FBXL17: variants seen among roughly 807,000 people sequenced by gnomAD.
The protein encoded by FBXL17 is F-box/LRR-repeat protein 17.
FBXL17 carries 22 observed loss-of-function variants against 66.2 expected under a neutral mutation model. The observed-to-expected ratio is 0.33, with a 90% CI of 0.24 to 0.47. The LOEUF (loss-of-function observed/expected upper bound fraction) is 0.47, where lower values mean the gene tolerates loss of function less well. Among genes scored for constraint, FBXL17 ranks in the 20% least tolerant of loss-of-function variants. The pLI is 1.00. For missense variants in FBXL17, 878 were observed against 948.2 expected (o/e 0.93, Z 0.97); for synonymous variants, 474 against 400.5 (o/e 1.18, Z -2.19).
At chr5:107,967,964 C>T (rs952807586) in intron 7 of FBXL17, among the ~76,000 whole-genome samples, 28 of 151,972 alleles carry the variant, frequency 1.8e-4, no homozygotes, top group African/African-American at 6.8e-4. Flanking sequence ...TTGAAAATAG[C>T]ACATTATTTT....
intron 6 of FBXL17, among the ~76,000 whole-genome samples, chr5:108,119,375 G>C (rs1750386402): frequency 6.6e-6 from 1 of 152,166 alleles, no homozygotes; most frequent in Non-Finnish European, 1.5e-5. Context: ...TTCTCCCCAG[G>C]AGGAACCAGG....
chr5:108,090,841 C>T (rs1356388498), intron 6 of FBXL17, among the ~76,000 whole-genome samples: 4 of 152,170 alleles, frequency 2.6e-5, no homozygotes, highest in Non-Finnish European at 5.9e-5. Flanking sequence ...GAGCACATAC[C>T]TTGGAAAGTT....
intron 5 of FBXL17, among the ~76,000 whole-genome samples, chr5:108,213,286 T>C (rs1280944406): frequency 1.3e-5 from 2 of 152,152 alleles, no homozygotes; most frequent in Non-Finnish European, 2.9e-5. Context: ...CAGCACCCCT[T>C]TCCAGGGGAG....
chr5:108,089,441 C>T (rs960422540), intron 6 of FBXL17, among the ~76,000 whole-genome samples: 7 of 152,166 alleles, frequency 4.6e-5, no homozygotes, highest in African/African-American at 1.7e-4. Context: ...TTCCTTCTAA[C>T]CCAAATGCTC....
chr5:108,062,856 G>C (rs1747977900), intron 6 of FBXL17, among the ~76,000 whole-genome samples: 1 of 152,116 alleles, frequency 6.6e-6, no homozygotes, highest in Non-Finnish European at 1.5e-5. Flanking sequence ...CCAAAGCAGA[G>C]AGCTTTCCTT....
At chr5:107,957,912 G>C (rs936447556) in intron 7 of FBXL17, among the ~76,000 whole-genome samples, 7 of 152,172 alleles carry the variant, frequency 4.6e-5, no homozygotes, top group Admixed American at 4.6e-4. Context: ...AATTCTGTGG[G>C]GAGCAGACAT....
intron 7 of FBXL17, among the ~76,000 whole-genome samples, chr5:107,919,988 A>C (rs1405051565): frequency 6.6e-6 from 1 of 152,242 alleles, no homozygotes; most frequent in East Asian, 1.9e-4. Context: ...TGATGACTAT[A>C]TAGTGCAACC....
At chr5:108,146,902 CA>C (rs1207557300) in intron 6 of FBXL17, among the ~76,000 whole-genome samples, 1 of 152,138 alleles carries the variant, frequency 6.6e-6, no homozygotes, top group Non-Finnish European at 1.5e-5. Flanking sequence ...CTGGGTAATT[CA>C]AAAGAAATAG....
chr5:108,025,262 C>T (rs1197330564), intron 6 of FBXL17, among the ~76,000 whole-genome samples: 1 of 152,146 alleles, frequency 6.6e-6, no homozygotes, highest in Non-Finnish European at 1.5e-5. Flanking sequence ...TCCATCACCT[C>T]AGAGGTGTGA....
At chr5:107,910,650 A>G (rs1228031709) in intron 7 of FBXL17, among the ~76,000 whole-genome samples, 1 of 152,184 alleles carries the variant, frequency 6.6e-6, no homozygotes, top group African/African-American at 2.4e-5. Flanking sequence ...CTTACCTAAA[A>G]AAGTATAAGA....
intron 3 of FBXL17, among the ~76,000 whole-genome samples, chr5:108,348,880 C>G (rs1002550919): frequency 1.3e-5 from 2 of 152,208 alleles, no homozygotes; most frequent in Admixed American, 6.5e-5. Flanking sequence ...TCATGGCTCA[C>G]TGCAGCCTCA....
chr5:108,302,003 T>C (rs994459004), intron 4 of FBXL17: 23 of 984,512 alleles, frequency 2.3e-5, no homozygotes, highest in East Asian at 1.1e-4. Flanking sequence ...AATCCAACCA[T>C]TTCTCATGTC....
intron 4 of FBXL17, among the ~76,000 whole-genome samples, chr5:108,291,947 A>C (rs1233900400): frequency 6.6e-6 from 1 of 152,042 alleles, no homozygotes; most frequent in Non-Finnish European, 1.5e-5. Context: ...GGTGGTCATC[A>C]TTTCTTTCCT....
chr5:108,232,436 T>C (rs996273212), intron 4 of FBXL17, among the ~76,000 whole-genome samples: 1 of 152,044 alleles, frequency 6.6e-6, no homozygotes, highest in African/African-American at 2.4e-5. Flanking sequence ...CTTGATTGAA[T>C]TGATGGATAC....
chr5:108,038,757 G>A (rs1401415847), intron 6 of FBXL17, among the ~76,000 whole-genome samples: 1 of 152,054 alleles, frequency 6.6e-6, no homozygotes, highest in East Asian at 1.9e-4. Flanking sequence ...AATTAGATGT[G>A]AGTGAGATAA....
intron 7 of FBXL17, among the ~76,000 whole-genome samples, chr5:107,973,501 GCTAA>G (rs1752461225): frequency 6.6e-6 from 1 of 151,844 alleles, no homozygotes; most frequent in African/African-American, 2.4e-5. Flanking sequence ...GCACCACTCT[GCTAA>G]CTGTCATACC....
intron 6 of FBXL17, among the ~76,000 whole-genome samples, chr5:108,168,462 A>G (rs1489680294): frequency 6.6e-6 from 1 of 152,206 alleles, no homozygotes; most frequent in Admixed American, 6.5e-5. Flanking sequence ...ATTTTCATAC[A>G]TATATGATTG....
chr5:108,375,079 C>G (rs1451726383), intron 1 of FBXL17, among the ~76,000 whole-genome samples: 1 of 152,066 alleles, frequency 6.6e-6, no homozygotes, highest in Admixed American at 6.6e-5. Flanking sequence ...TGAGGCCGAG[C>G]ACAATGGTTG....
At chr5:107,975,034 G>C (rs577225917) in intron 7 of FBXL17, among the ~76,000 whole-genome samples, 16 of 152,262 alleles carry the variant, frequency 1.1e-4, no homozygotes, top group African/African-American at 3.6e-4. Context: ...CCCTAGACGA[G>C]AGTCCTAAAA....
Sources: gnomAD v4.1 joint callset for allele counts (sites outside exome capture counted in the v4.1 genomes callset) on GRCh38, gnomAD v4.1.1 for gene constraint, MANE v1.5 for transcripts, NCBI Gene and HGNC (gene_info 2026-07-23, HGNC 2026-07-21) for gene names.